Variants in PTPRG observed in about 807,000 individuals in gnomAD.
The protein encoded by PTPRG is protein tyrosine phosphatase receptor type G.
A neutral mutation model predicts 165.3 loss-of-function variants in PTPRG; 102 were observed. The observed-to-expected ratio is 0.62, with a 90% confidence interval of 0.53 to 0.73. The LOEUF is 0.73. Among genes scored for constraint, PTPRG ranks in the 30% least tolerant of loss-of-function variants. The probability of loss-of-function intolerance (pLI) is 0.00; values close to 1 mark genes in which losing one functional copy is unlikely to be tolerated. For synonymous variants in PTPRG, 675 were observed against 669.5 expected (o/e 1.01, Z -0.13); for missense variants, 1,866 against 1,861.4 (o/e 1.00, Z -0.05).
At position 62,284,868 on chromosome 3, in the gene PTPRG, T is replaced by C. The variant is rs1437860052; in HGVS notation, c.4055+1999T>C. ...ATCTTTTACAATCTAGTGTAAAGTTTACATTTCCAGTTGTCATCCCAATCT... is the reference window on the plus strand; with the variant it reads ...ATCTTTTACAATCTAGTGTAAAGTTCACATTTCCAGTTGTCATCCCAATCT... On this transcript the variant is annotated intron_variant, in intron 28 of 29. Coordinates refer to ENST00000474889, the MANE Select transcript of PTPRG (RefSeq NM_002841.4). Among the ~76,000 whole-genome samples the C allele has an allele frequency of 6.6e-5, 10 of 152,282 alleles. No individual in the cohort carries two copies. The East Asian group carries it at 1.9e-3, about 29-fold the overall frequency.
rs191583748 is a variant in PTPRG, at chr3:61,649,231, G to A, written c.85+86859G>A. ...GATGAGGTCTTACAGTATTGCCTAG[G>A]CTGGTCCTGAACTCCTGGGCTCAAG... On this transcript the variant is annotated intron_variant, in intron 1 of 29. Transcript: ENST00000474889. 5.3e-5 allele frequency among the ~76,000 whole-genome samples: 8 copies of A among 151,438 alleles called. No homozygotes were observed. In the East Asian group the frequency reaches 1.4e-3, roughly 26 times the overall value.
intron 2 of PTPRG, among the ~76,000 whole-genome samples, chr3:61,761,903 C>T (rs1225730045): frequency 6.6e-6 from 1 of 152,128 alleles, no homozygotes; most frequent in Non-Finnish European, 1.5e-5. Flanking sequence ...TTCTCTGTCC[C>T]ACCCTTCCCC....
chr3:62,244,363 T>G (rs1409779529), intron 15 of PTPRG, among the ~76,000 whole-genome samples: 1 of 152,202 alleles, frequency 6.6e-6, no homozygotes, highest in Non-Finnish European at 1.5e-5. Flanking sequence ...TTGGTTAGTG[T>G]TGGGGTAGGG....
At position 61,779,271 on chromosome 3, in the gene PTPRG, A is replaced by G. The variant is rs572611177; in HGVS notation, c.190+30289A>G. On this transcript the variant is annotated intron_variant, in intron 2 of 29. Transcript: ENST00000474889. ...GAGCAAACTGGGGAAACATCAGATG[A>G]ATCCTCGGGGAGGAAAAAGTGGAAG... is the stretch of plus-strand genomic sequence containing the variant. Among the ~76,000 whole-genome samples, 5 of 152,312 alleles carry G rather than the reference A, an allele frequency of 3.3e-5. No individual in the cohort carries two copies. The East Asian group carries it at 9.7e-4, about 29-fold the overall frequency.
chr3:62,228,628 C>T lies in PTPRG; in HGVS notation c.2289-2597C>T, dbSNP rs921679585. 7.2e-5 allele frequency among the ~76,000 whole-genome samples: 11 copies of T among 152,138 alleles called. No homozygotes were observed. Among genetic ancestry groups the T allele is most frequent in the African/African-American group, 2.7e-4 (11 of 41,442 alleles). On this transcript the variant is annotated intron_variant, in intron 13 of 29. Coordinates refer to ENST00000474889, the MANE Select transcript of PTPRG (RefSeq NM_002841.4). The surrounding 1 kb of genome is among the most constrained non-coding windows in gnomAD (Gnocchi z 4.1). Reference sequence around the variant, plus strand: ...CTGGATCATGGCACATTCATTATTTCTTAGGGCAAACTCTGCCAAACTGCC... The same window carrying T: ...CTGGATCATGGCACATTCATTATTTTTTAGGGCAAACTCTGCCAAACTGCC...
intron 2 of PTPRG, among the ~76,000 whole-genome samples, chr3:61,774,584 A>G (rs2034312038): frequency 6.6e-6 from 1 of 152,212 alleles, no homozygotes; most frequent in South Asian, 2.1e-4. Context: ...AGTCTGTTCC[A>G]GTTTGTTTTC....
At chr3:62,101,313 TTTAACA>T (rs1329531385) in intron 5 of PTPRG, among the ~76,000 whole-genome samples, 1 of 152,180 alleles carries the variant, frequency 6.6e-6, no homozygotes, top group African/African-American at 2.4e-5. Context: ...GAAAGAAAAC[TTTAACA>T]TAGAACTTCA....
intron 4 of PTPRG, among the ~76,000 whole-genome samples, chr3:62,027,021 T>G (rs1382002710): frequency 1.3e-5 from 2 of 152,178 alleles, no homozygotes; most frequent in Non-Finnish European, 2.9e-5. Context: ...CTCTTCCTAT[T>G]GTTGTTACTA....
At chr3:62,163,514 A>G (rs1253919385) in intron 7 of PTPRG, among the ~76,000 whole-genome samples, 1 of 152,210 alleles carries the variant, frequency 6.6e-6, no homozygotes, top group Non-Finnish European at 1.5e-5. Flanking sequence ...TTTAAGCTAA[A>G]AAGAAGTTGG....
At chr3:62,067,717 T>C (rs977721566) in intron 4 of PTPRG, among the ~76,000 whole-genome samples, 1 of 152,104 alleles carries the variant, frequency 6.6e-6, no homozygotes, top group African/African-American at 2.4e-5. Context: ...CATAATAGGG[T>C]TTACGCTCCT....
At chr3:61,718,462 G>T (rs1028640028) in intron 1 of PTPRG, among the ~76,000 whole-genome samples, 1 of 152,116 alleles carries the variant, frequency 6.6e-6, no homozygotes, top group Non-Finnish European at 1.5e-5. Flanking sequence ...CGGGTTAAAA[G>T]ACTACACAAT....
In PTPRG at chr3:62,252,148, C is replaced by G. The variant is rs1042102404; in HGVS notation, c.2468-2976C>G. Reference sequence around the variant, plus strand: ...ACTGCATCAGTGACATTTACTCCCACTGTCATCAAATCCATCCTTTTAATG... The same window carrying G: ...ACTGCATCAGTGACATTTACTCCCAGTGTCATCAAATCCATCCTTTTAATG... On this transcript the variant is annotated intron_variant, in intron 15 of 29. Transcript: ENST00000474889. This position sits in a 1 kb window ranked among gnomAD's most constrained non-coding sequence, Gnocchi z 4.6. Among the ~76,000 whole-genome samples, 1 of 152,168 alleles carries G rather than the reference C, an allele frequency of 6.6e-6. No individual in the cohort carries two copies. Among genetic ancestry groups the G allele is most frequent in the Non-Finnish European group, 1.5e-5 (1 of 68,032 alleles).
intron 1 of PTPRG, among the ~76,000 whole-genome samples, chr3:61,587,292 T>C (rs1028889386): frequency 5.9e-5 from 9 of 152,236 alleles, no homozygotes; most frequent in African/African-American, 2.2e-4. Context: ...ACTTACAAAA[T>C]TGTACAAAGG....
chr3:61,798,160 T>G (rs1260759376), intron 2 of PTPRG, among the ~76,000 whole-genome samples: 8 of 152,226 alleles, frequency 5.3e-5, no homozygotes, highest in Admixed American at 5.2e-4. Flanking sequence ...CCACAAAGAT[T>G]AACCCTGCCC....
chr3:61,877,944 C>T (rs1038954243), intron 2 of PTPRG, among the ~76,000 whole-genome samples: 3 of 152,178 alleles, frequency 2.0e-5, no homozygotes, highest in African/African-American at 7.2e-5. Context: ...TTAATCTTAA[C>T]ATAATTAGCT....
chr3:61,733,201 T>G lies in PTPRG; in HGVS notation c.86-15677T>G, dbSNP rs543527372. 7.2e-5 allele frequency among the ~76,000 whole-genome samples: 11 copies of G among 152,292 alleles called. No homozygotes were observed. The East Asian group carries it at 1.5e-3, about 21-fold the overall frequency. The stretch of plus-strand genomic sequence containing the variant: ...AGGTCACTTTGTATCAGTTCAAACA[T>G]GTTCTATATTGGTATTTCATGTTTG... On this transcript the variant is annotated intron_variant, in intron 1 of 29. Coordinates refer to ENST00000474889, the MANE Select transcript of PTPRG (RefSeq NM_002841.4).
At chr3:62,208,578 C>A (rs539072152) in intron 12 of PTPRG, among the ~76,000 whole-genome samples, 1 of 152,248 alleles carries the variant, frequency 6.6e-6, no homozygotes, top group South Asian at 2.1e-4. Context: ...CATACCACAG[C>A]CCGCAGGCCA....
intron 1 of PTPRG, among the ~76,000 whole-genome samples, chr3:61,736,066 C>G (rs900096108): frequency 6.6e-6 from 1 of 152,166 alleles, no homozygotes; most frequent in East Asian, 1.9e-4. Context: ...GGCCACCATG[C>G]CTGGCTAATT....
chr3:61,937,817 TAA>T (rs942110702), intron 2 of PTPRG, among the ~76,000 whole-genome samples: 3 of 152,196 alleles, frequency 2.0e-5, no homozygotes, highest in African/African-American at 7.2e-5. Flanking sequence ...GTCTTTTGAG[TAA>T]AGTCTTAAAA....
Sources: allele counts gnomAD v4.1 joint callset (sites outside exome capture counted in the v4.1 genomes callset), GRCh38; gene constraint gnomAD v4.1.1; non-coding constraint Gnocchi (gnomAD v3.1); transcripts MANE v1.5; gene names NCBI Gene and HGNC (gene_info 2026-07-23, HGNC 2026-07-21).